WDR48: variants seen among roughly 807,000 people sequenced by gnomAD.
WDR48 encodes the protein WD repeat domain 48.
WDR48 carries 22 observed loss-of-function variants against 94.0 expected under a neutral mutation model. That is an observed-to-expected ratio of 0.23 (90% CI 0.17 to 0.33). WDR48 has a LOEUF of 0.33. Ranked by LOEUF, WDR48 falls within the 10% of genes least tolerant of loss-of-function variation. WDR48 has a pLI of 1.00. For synonymous variants in WDR48, 278 were observed against 280.5 expected (o/e 0.99, Z 0.09); for missense variants, 541 against 813.8 (o/e 0.66, Z 4.08).
rs778505417 is a variant in WDR48, at chr3:39,089,300, A to C, written c.1650A>C (p.Val550=). The change falls in exon 16 of 19, where the codon GTA becomes GTC. Residue 550 remains valine (V), a synonymous_variant. Transcript: ENST00000302313. ...TTAATGAAACAGTGCCACAATGGGTAATTGACATCACTGTGGATGTAAGTA... is the reference window on the plus strand; with the variant it reads ...TTAATGAAACAGTGCCACAATGGGTCATTGACATCACTGTGGATGTAAGTA... ...MLLNETVPQW[V]IDITVDKNMP... 4 of 1,613,090 alleles carry C rather than the reference A, an allele frequency of 2.5e-6. No individual in the cohort carries two copies. Among genetic ancestry groups the C allele is most frequent in the East Asian group, 2.2e-5 (1 of 44,874 alleles).
intron 15 of WDR48, among the ~76,000 whole-genome samples, chr3:39,088,954 G>T (rs1352364190): frequency 2.0e-5 from 3 of 152,198 alleles, no homozygotes. Flanking sequence ...TTTACTGGGT[G>T]CTTTGCTTGC....
At position 39,065,981 on chromosome 3, in the gene WDR48, C is replaced by T. The variant is rs2033581075; in HGVS notation, c.268+92C>T. The T allele has an allele frequency of 7.9e-6, 7 of 882,906 alleles. No individual in the cohort carries two copies. In the East Asian group the frequency reaches 8.7e-5, roughly 11 times the overall value. 54.7% of individuals were successfully genotyped at this position (882,906 alleles called of 1,614,324 possible). ...ATTGAAACATACATACAGAAAAGTA[C>T]ACACACTTCGAGATTGCAGTTCAAC... On this transcript the variant is annotated intron_variant, in intron 3 of 18. Transcript: ENST00000302313.
intron 7 of WDR48, among the ~76,000 whole-genome samples, chr3:39,071,687 G>C (rs924348132): frequency 8.5e-5 from 13 of 152,208 alleles, no homozygotes; most frequent in Non-Finnish European, 1.5e-4. Context: ...GTCTCAGAGT[G>C]CAAACTTGAT....
chr3:39,071,776 A>G (rs756403390), intron 7 of WDR48, among the ~76,000 whole-genome samples: 1 of 152,228 alleles, frequency 6.6e-6, no homozygotes, highest in Non-Finnish European at 1.5e-5. Flanking sequence ...AATTACCACC[A>G]ACAACCAAGC....
chr3:39,084,826 T>C, intron 13 of WDR48, 85 bp downstream of exon 13: 1 of 1,128,084 alleles, frequency 8.9e-7, no homozygotes. Context: ...CTTATCTTTG[T>C]AAAAGTTCTC....
intron 9 of WDR48, among the ~76,000 whole-genome samples, chr3:39,077,619 A>T (rs1424590835): frequency 1.3e-5 from 2 of 152,224 alleles, no homozygotes; most frequent in Admixed American, 6.5e-5. Flanking sequence ...TGTGCTTTCA[A>T]ATTAGTTTTC....
chr3:39,084,341 G>A, intron 12 of WDR48, 79 bp downstream of exon 12: 2 of 1,078,404 alleles, frequency 1.9e-6, no homozygotes, highest in East Asian at 2.7e-5. Flanking sequence ...ATTAGTTACA[G>A]AGTCCTGTGT....
At chr3:39,055,260 G>A (rs2032797704) in intron 1 of WDR48, among the ~76,000 whole-genome samples, 1 of 152,202 alleles carries the variant, frequency 6.6e-6, no homozygotes, top group South Asian at 2.1e-4. Flanking sequence ...GCCAAGGTGG[G>A]CAGATCACTT....
chr3:39,068,330 G>T (rs1460639131), intron 5 of WDR48, among the ~76,000 whole-genome samples: 1 of 152,202 alleles, frequency 6.6e-6, no homozygotes, highest in Non-Finnish European at 1.5e-5. Flanking sequence ...CTGAAAGGTT[G>T]TACCTATTTA....
intron 11 of WDR48, among the ~76,000 whole-genome samples, chr3:39,081,625 AC>A (rs1035019589): frequency 7.2e-5 from 11 of 152,204 alleles, no homozygotes; most frequent in African/African-American, 2.7e-4. Context: ...TTGATACTCT[AC>A]CACAAATGTG....
chr3:39,058,241 G>T (rs1178121130), intron 1 of WDR48, among the ~76,000 whole-genome samples: 1 of 152,186 alleles, frequency 6.6e-6, no homozygotes, highest in Non-Finnish European at 1.5e-5. Flanking sequence ...GAGATTACAG[G>T]CATGAGCCAC....
intron 3 of WDR48, among the ~76,000 whole-genome samples, 182 bp from the exon 4 acceptor site, chr3:39,066,366 G>A (rs918430046): frequency 1.3e-5 from 2 of 152,118 alleles, no homozygotes; most frequent in South Asian, 2.1e-4. Context: ...TTGAACATGT[G>A]TCTTGAGATT....
intron 1 of WDR48, chr3:39,052,596 C>T (rs1268469028): frequency 6.4e-6 from 1 of 155,566 alleles, no homozygotes; most frequent in African/African-American, 2.4e-5. Context: ...GGGAGCTGTC[C>T]CCTGGGTAGG....
chr3:39,087,386 C>G (rs780909479), intron 14 of WDR48, among the ~76,000 whole-genome samples: 10 of 152,188 alleles, frequency 6.6e-5, no homozygotes, highest in Admixed American at 2.0e-4. Context: ...TTAGGCTGCC[C>G]TGCCCAGCAG....
In WDR48 at chr3:39,063,045, G is replaced by T. The variant is rs369986046; in HGVS notation, c.49-5G>T. On this transcript the variant is annotated splice_region_variant and splice_polypyrimidine_tract_variant and intron_variant, in intron 1 of 18. Transcript: ENST00000302313. ...ATAAAAAGCATATGTTGACACATTT[G>T]TCAGGTTTCCTATGTTATTCGAGAT... is the stretch of plus-strand genomic sequence containing the variant. 1.2e-5 allele frequency: 19 copies of T among 1,613,840 alleles called. No individual in the cohort carries two copies. The highest frequency in any genetic ancestry group is 1.5e-5 in the Non-Finnish European group (18 of 1,179,906).
chr3:39,076,672 A>T (rs2034241424), intron 8 of WDR48, among the ~76,000 whole-genome samples: 1 of 152,214 alleles, frequency 6.6e-6, no homozygotes, highest in Non-Finnish European at 1.5e-5. Flanking sequence ...CATACAGAAG[A>T]ATATACAGTA....
chr3:39,094,943 C>A lies in WDR48; in HGVS notation c.*200C>A. The A allele has an allele frequency of 1.5e-6, 1 of 686,888 alleles. No homozygotes were observed. Among genetic ancestry groups the A allele is most frequent in the Non-Finnish European group, 2.4e-6 (1 of 421,882 alleles). The allele number at this position is 686,888 out of a possible 1,614,324, so 42.5% of individuals were successfully genotyped here. ...CTCCATGTGTAGATTAAGCTGTCCC[C>A]AGGGAAGCAGAGTGCAAGAGCAGAA... On this transcript the variant is annotated 3_prime_UTR_variant, in exon 19 of 19. Coordinates refer to ENST00000302313, the MANE Select transcript of WDR48 (RefSeq NM_020839.4).
Position 39,069,687 on chromosome 3 carries a change from G to C in WDR48, c.615G>C (p.Lys205Asn), listed in dbSNP as rs1195661357. ...CAAGAACATGTGCAAAACTAATGAA[G>C]CTTAAAGGGCACACGGATAATGTGA... ...WDPRTCAKLM[K>N]LKGHTDNVKA... is the part of the protein sequence containing the mutation. The change falls in exon 7 of 19, where the codon AAG (lysine) becomes AAC (asparagine). Residue 205 changes from lysine (K) to asparagine (N), a missense_variant. Physicochemically the swap from Lys to Asn is moderately conservative, Grantham distance 94 (BLOSUM62 0). Transcript: ENST00000302313. The C allele has an allele frequency of 6.2e-7, 1 of 1,613,752 alleles. No homozygotes were observed.
intron 18 of WDR48, chr3:39,094,358 T>A: frequency 6.9e-7 from 1 of 1,445,566 alleles, no homozygotes; most frequent in East Asian, 2.5e-5. Flanking sequence ...AGAGTGAAGG[T>A]GTGCGGAGAA....
Sources: allele counts gnomAD v4.1 joint callset (sites outside exome capture counted in the v4.1 genomes callset), GRCh38; gene constraint gnomAD v4.1.1; transcripts MANE v1.5; gene names NCBI Gene and HGNC (gene_info 2026-07-23, HGNC 2026-07-21).